The following FMNL1 variants were observed in gnomAD, a reference collection of about 807,000 sequenced individuals.
The protein encoded by FMNL1 is formin like 1.
FMNL1 carries 43 observed loss-of-function variants against 121.3 expected under a neutral mutation model. The ratio of observed to expected loss-of-function variants is 0.35; its 90% CI spans 0.28 to 0.46. The LOEUF (loss-of-function observed/expected upper bound fraction) is 0.46. FMNL1 is among the 20% of genes least tolerant of loss of function. The pLI, the probability that FMNL1 is intolerant of heterozygous loss-of-function variation, is 1.00. For synonymous variants in FMNL1, 613 were observed against 613.5 expected (o/e 1.00, Z 0.01); for missense variants, 1,191 against 1,482.4 (o/e 0.80, Z 3.23).
At position 45,244,974 on chromosome 17, in the gene FMNL1, T is replaced by C. The variant is rs2043795536; in HGVS notation, c.2599-5T>C. 6.2e-7 allele frequency: 1 copy of C among 1,612,924 alleles called. No individual in the cohort carries two copies. Among genetic ancestry groups the C allele is most frequent in the Admixed American group, 1.7e-5 (1 of 59,966 alleles). On this transcript the variant is annotated splice_polypyrimidine_tract_variant and splice_region_variant and intron_variant, in intron 20 of 26. Coordinates refer to ENST00000331495, the MANE Select transcript of FMNL1 (RefSeq NM_005892.4). ...GCCTGTGGCTTACAATGGGTCCTTG[T>C]GCAGCTGTTGGAGATGAAGTCGACT...
In FMNL1 at chr17:45,233,210, T is replaced by C; in HGVS notation, c.328-14T>C. The stretch of plus-strand genomic sequence containing the variant: ...GGGCTCCACCCACCAGCCTTCCCTG[T>C]TCTCGGTCCCCAGTTTAAGAGGCGA... On this transcript the variant is annotated splice_polypyrimidine_tract_variant and intron_variant, in intron 3 of 26. Coordinates refer to ENST00000331495, the MANE Select transcript of FMNL1 (RefSeq NM_005892.4). The surrounding 1 kb of genome is among the most constrained non-coding windows in gnomAD (Gnocchi z 4.1). 1 of 1,553,324 alleles carries C rather than the reference T, an allele frequency of 6.4e-7. No homozygotes were observed. Among genetic ancestry groups the C allele is most frequent in the African/African-American group, 1.4e-5 (1 of 73,374 alleles).
chr17:45,243,319 G>T lies in FMNL1; in HGVS notation c.2212G>T (p.Ala738Ser), dbSNP rs955601103. The change falls in exon 17 of 27, where the codon GCG (alanine) becomes TCG (serine). Residue 738 changes from alanine to serine, a missense_variant and splice_region_variant. Physicochemically the swap from Ala to Ser is moderately conservative, Grantham distance 99. This residue lies in a region of FMNL1 where 367 missense variants were observed against 528.6 expected (regional missense o/e 0.69). Transcript: ENST00000331495. Reference sequence around the variant, plus strand: ...CGAGCGCATCTGCCAAGCCATTGAGGCGTGAGTGTCCCTGTCCTGGGTTTG... The same window carrying T: ...CGAGCGCATCTGCCAAGCCATTGAGTCGTGAGTGTCCCTGTCCTGGGTTTG... ...GAERICQAIE[A>S]YDLQALGLDF... is the part of the protein sequence containing the mutation. 6 of 1,613,060 alleles carry T rather than the reference G, an allele frequency of 3.7e-6. No individual in the cohort carries two copies. Among genetic ancestry groups the T allele is most frequent in the Non-Finnish European group, 5.1e-6 (6 of 1,179,774 alleles).
rs188584942 is a variant in FMNL1, at chr17:45,234,252, C to T, written c.614+52C>T. The T allele has an allele frequency of 1.1e-4, 185 of 1,613,004 alleles. 1 individual carries two copies. The East Asian group carries it at 3.5e-3, about 30-fold the overall frequency. Reference sequence around the variant, plus strand: ...GGGAGAACAGAGAATTCAGCCCCCACACTGCTGCATCTAGCCAGCCCACCC... The same window carrying T: ...GGGAGAACAGAGAATTCAGCCCCCATACTGCTGCATCTAGCCAGCCCACCC... On this transcript the variant is annotated intron_variant, in intron 6 of 26. Coordinates refer to ENST00000331495, the MANE Select transcript of FMNL1 (RefSeq NM_005892.4).
At chr17:45,240,971 G>A in intron 12 of FMNL1, 158 bp from the exon 13 acceptor site, 1 of 855,640 alleles carries the variant, frequency 1.2e-6, no homozygotes, top group Non-Finnish European at 1.8e-6. Flanking sequence ...TTATTTGCTT[G>A]GGTTCGAGTG....
At position 45,247,075 on chromosome 17, in the gene FMNL1, C is replaced by A. The variant is rs963738445; in HGVS notation, c.*217C>A. The A allele has an allele frequency of 1.1e-5, 7 of 619,518 alleles. No individual in the cohort carries two copies. The highest frequency in any genetic ancestry group is 1.1e-4 in the African/African-American group (6 of 54,980). 38.4% of individuals were successfully genotyped at this position (619,518 alleles called of 1,614,324 possible). A position where few individuals can be genotyped will look rare whatever the true frequency, so the allele number is the denominator to read the frequency against. The stretch of plus-strand genomic sequence containing the variant: ...GGCTGGCCGGGCAGCCCCTCCTCCG[C>A]TGTGGCCCGCCTCAAACGGGCTGGT... On this transcript the variant is annotated 3_prime_UTR_variant, in exon 27 of 27. Transcript: ENST00000331495.
In FMNL1 at chr17:45,222,256, G is replaced by A; in HGVS notation, c.129+3G>A. On this transcript the variant is annotated splice_donor_region_variant and intron_variant, in intron 1 of 26. Transcript: ENST00000331495. ...AGGAGAGGTTCAACCGCGCCCTGGT[G>A]AGTGCGACCCGGAGGCGGGTCGGGC... The A allele has an allele frequency of 8.4e-7, 1 of 1,197,324 alleles. No individual in the cohort carries two copies. Among genetic ancestry groups the A allele is most frequent in the Non-Finnish European group, 1.0e-6 (1 of 964,394 alleles). 74.2% of individuals were successfully genotyped at this position (1,197,324 alleles called of 1,614,324 possible). A position where few individuals can be genotyped will look rare whatever the true frequency, so the allele number is the denominator to read the frequency against.
At chr17:45,244,414 G>A (rs2043781684) in intron 19 of FMNL1, among the ~76,000 whole-genome samples, 170 bp downstream of exon 19, 1 of 152,206 alleles carries the variant, frequency 6.6e-6, no homozygotes, top group African/African-American at 2.4e-5. Context: ...TACAGCAGCC[G>A]TGTCTGTAGC....
intron 21 of FMNL1, 65 bp from the exon 22 acceptor site, chr17:45,245,188 A>G: frequency 1.2e-6 from 2 of 1,612,842 alleles, no homozygotes; most frequent in East Asian, 2.2e-5. Flanking sequence ...GGGCCACAGT[A>G]TATAATTGGT....
rs1361702830 is a variant in FMNL1, at chr17:45,222,009, C to T, written c.-116C>T. ...CGCCCCCCGCTGCCGAGACCCCCGC[C>T]GCCACCGCCAGCCGCTGCCCCCTCG... On this transcript the variant is annotated 5_prime_UTR_variant, in exon 1 of 27. Transcript: ENST00000331495. 5 of 831,310 alleles carry T rather than the reference C, an allele frequency of 6.0e-6. No individual in the cohort carries two copies. The highest frequency in any genetic ancestry group is 7.7e-6 in the Non-Finnish European group (5 of 647,064). 51.5% of individuals were successfully genotyped at this position (831,310 alleles called of 1,614,324 possible). A position where few individuals can be genotyped will look rare whatever the true frequency, so the allele number is the denominator to read the frequency against.
At chr17:45,240,269 A>G (rs186406841) in intron 11 of FMNL1, 198 of 414,154 alleles carry the variant, frequency 4.8e-4, no homozygotes, top group Middle Eastern at 6.5e-4. Context: ...TGGTTGCACA[A>G]CCTTGTGGCT....
chr17:45,245,364 G>A lies in FMNL1; in HGVS notation c.2840G>A (p.Arg947Lys). The A allele has an allele frequency of 6.2e-7, 1 of 1,614,202 alleles. No homozygotes were observed. Among genetic ancestry groups the A allele is most frequent in the South Asian group, 1.1e-5 (1 of 91,088 alleles). Residue 947 changes from arginine to lysine, a missense_variant, in exon 22 of 27, where the codon AGG becomes AAG. Physicochemically the swap from Arg to Lys is conservative, Grantham distance 26. Transcript: ENST00000331495. ...DDCMVLKEFLRANSPTMDKLL... is the reference protein window; with the variant it reads ...DDCMVLKEFLKANSPTMDKLL... ...TGCATGGTGCTCAAGGAGTTCCTGA[G>A]GGCCAACTCGCCCACCATGGACAAG...
intron 25 of FMNL1, 37 bp downstream of exon 25, chr17:45,246,367 C>T: frequency 6.2e-7 from 1 of 1,614,074 alleles, no homozygotes; most frequent in South Asian, 1.1e-5. Flanking sequence ...TATCCTCAGT[C>T]TGTCCTTCTA....
At chr17:45,236,102 C>CTT (rs1396198942) in intron 6 of FMNL1, 34 bp from the exon 7 acceptor site, 1 of 1,574,236 alleles carries the variant, frequency 6.4e-7, no homozygotes, top group African/African-American at 1.3e-5. Flanking sequence ...GGGGCTCACT[C>CTT]TGACTCCTGC....
chr17:45,223,971 G>A (rs1039617246), intron 1 of FMNL1, among the ~76,000 whole-genome samples: 1 of 152,146 alleles, frequency 6.6e-6, no homozygotes, highest in Non-Finnish European at 1.5e-5. Context: ...GGCTGAGTCT[G>A]ACACTAAATG....
At chr17:45,235,123 T>C (rs1317615722) in intron 6 of FMNL1, among the ~76,000 whole-genome samples, 1 of 152,262 alleles carries the variant, frequency 6.6e-6, no homozygotes, top group African/African-American at 2.4e-5. Flanking sequence ...ATTCATGCAA[T>C]TATGCATTCA....
chr17:45,233,622 G>C lies in FMNL1; in HGVS notation c.402-26G>C. 1 of 1,613,610 alleles carries C rather than the reference G, an allele frequency of 6.2e-7. No homozygotes were observed. Among genetic ancestry groups the C allele is most frequent in the African/African-American group, 1.3e-5 (1 of 75,016 alleles). ...TGGGGCAGGACCTCCTTTCTGGCTG[G>C]AGCTCAGGGAGCCCTGTGCCCACAG... is the stretch of plus-strand genomic sequence containing the variant. On this transcript the variant is annotated intron_variant, in intron 4 of 26. Coordinates refer to ENST00000331495, the MANE Select transcript of FMNL1 (RefSeq NM_005892.4). The surrounding 1 kb of genome is among the most constrained non-coding windows in gnomAD (Gnocchi z 4.1).
chr17:45,242,531 TG>T, intron 16 of FMNL1, 66 bp downstream of exon 16: 1 of 1,565,226 alleles, frequency 6.4e-7, no homozygotes, highest in Non-Finnish European at 8.7e-7. Flanking sequence ...TGGATCAGGC[TG>T]GGCCCTGGGG....
chr17:45,242,062 G>GC lies in FMNL1; in HGVS notation c.1801_1802insC (p.Val601AlafsTer17). The GC allele has an allele frequency of 6.7e-7, 1 of 1,495,104 alleles. No individual in the cohort carries two copies. The allele number at this position is 1,495,104 out of a possible 1,614,324, so 92.6% of individuals were successfully genotyped here. On this transcript the variant is annotated frameshift_variant, in exon 15 of 27. Coordinates refer to ENST00000331495, the MANE Select transcript of FMNL1 (RefSeq NM_005892.4). LOFTEE classifies it high-confidence loss of function. ...ACCACCTCCGGGCACTGACGGGCCG[G>GC]TGCCTCCGCCGCCGCCGCCGCCGCC...
chr17:45,225,687 G>T (rs2043316274), intron 1 of FMNL1, among the ~76,000 whole-genome samples: 1 of 152,260 alleles, frequency 6.6e-6, no homozygotes, highest in South Asian at 2.1e-4. Flanking sequence ...GTGGCTTGGG[G>T]GGCCTTTGAG....
Sources: allele counts gnomAD v4.1 joint callset (sites outside exome capture counted in the v4.1 genomes callset), GRCh38; gene constraint gnomAD v4.1.1; regional missense constraint gnomAD v4.1.1; non-coding constraint Gnocchi (gnomAD v3.1); transcripts MANE v1.5; gene names NCBI Gene and HGNC (gene_info 2026-07-23, HGNC 2026-07-21).